Variants in SDC3 observed in about 807,000 individuals in gnomAD.
SDC3 encodes the protein syndecan 3.
In SDC3, 13 loss-of-function variants were observed where a neutral mutation model predicts 24.4. That is an observed-to-expected ratio of 0.53 (90% CI 0.35 to 0.85). SDC3 has a LOEUF of 0.85. Among genes scored for constraint, SDC3 ranks in the 40% least tolerant of loss-of-function variants. The pLI is 0.01. For missense variants in SDC3, 571 were observed against 584.5 expected (o/e 0.98, Z 0.24); for synonymous variants, 295 against 260.9 (o/e 1.13, Z -1.26).
At chr1:30,887,159 T>A (rs1334582099) in intron 1 of SDC3, among the ~76,000 whole-genome samples, 2 of 152,008 alleles carry the variant, frequency 1.3e-5, no homozygotes. Context: ...ACACGACAGG[T>A]GGCCCAGCTC....
rs1338931379 is a variant in SDC3 at position 30,872,919 on chromosome 1, G to A, written c.*292C>T. ...TTCTTCCACCACCAGCCAATCAGGA[G>A]CTTTCTTCCTCCCATCCATCTGACA... On this transcript the variant is annotated 3_prime_UTR_variant, in exon 5 of 5. Coordinates refer to ENST00000339394, the MANE Select transcript of SDC3 (RefSeq NM_014654.4). 2 of 405,318 alleles carry A rather than the reference G, an allele frequency of 4.9e-6. No individual in the cohort carries two copies. Among genetic ancestry groups the A allele is most frequent in the South Asian group, 4.7e-5 (1 of 21,086 alleles). The allele number at this position is 405,318 out of a possible 1,614,324, so 25.1% of individuals were successfully genotyped here.
chr1:30,884,397 C>T (rs1639798133), intron 1 of SDC3, among the ~76,000 whole-genome samples: 1 of 152,112 alleles, frequency 6.6e-6, no homozygotes, highest in Non-Finnish European at 1.5e-5. Context: ...ACAAAGGCAG[C>T]TCAGAGGGCA....
chr1:30,898,187 G>A (rs575208126), intron 1 of SDC3, among the ~76,000 whole-genome samples: 27 of 152,186 alleles, frequency 1.8e-4, no homozygotes, highest in African/African-American at 5.1e-4. Context: ...GTGACCCCTC[G>A]CCGCCAAGGG....
chr1:30,883,562 G>A (rs1043616736), intron 1 of SDC3, among the ~76,000 whole-genome samples: 7 of 152,158 alleles, frequency 4.6e-5, no homozygotes, highest in African/African-American at 1.7e-4. Flanking sequence ...ACTTCATAGG[G>A]CAGTTGTGAG....
chr1:30,892,470 C>G (rs1313445013), intron 1 of SDC3, among the ~76,000 whole-genome samples: 2 of 151,968 alleles, frequency 1.3e-5, no homozygotes, highest in Admixed American at 1.3e-4. Flanking sequence ...AATGAATGAT[C>G]CTAAAACAGT....
At chr1:30,900,281 T>A (rs1638386893) in intron 1 of SDC3, among the ~76,000 whole-genome samples, 1 of 152,168 alleles carries the variant, frequency 6.6e-6, no homozygotes, top group South Asian at 2.1e-4. Flanking sequence ...ACCTAGCACA[T>A]GACATGCAGC....
In SDC3 at chr1:30,908,624, G is replaced by C; in HGVS notation, c.-38C>G. 5.9e-6 allele frequency: 5 copies of C among 845,954 alleles called. No individual in the cohort carries two copies. Among genetic ancestry groups the C allele is most frequent in the African/African-American group, 5.8e-5 (3 of 51,432 alleles). 52.4% of individuals were successfully genotyped at this position (845,954 alleles called of 1,614,324 possible). ...GGCGCGGGCGGCGGGCGGCGGGCGG[G>C]CGCCTTTGTTCCCGAGGCGCGGCGC... On this transcript the variant is annotated 5_prime_UTR_variant, in exon 1 of 5. Coordinates refer to ENST00000339394, the MANE Select transcript of SDC3 (RefSeq NM_014654.4).
chr1:30,869,536 C>CAA lies in SDC3; in HGVS notation c.*3673_*3674dup, dbSNP rs11338317. 242 of 347,384 alleles carry CAA rather than the reference C, an allele frequency of 7.0e-4. No homozygotes were observed. The highest frequency in any genetic ancestry group is 8.7e-4 in the Non-Finnish European group (177 of 203,232). 21.5% of individuals were successfully genotyped at this position (347,384 alleles called of 1,614,324 possible). A position where few individuals can be genotyped will look rare whatever the true frequency, so the allele number is the denominator to read the frequency against. ...AGGAAGTGTTAAAAAAACAAACAAA[C>CAA]AAAAAAAAAAAAAAAAAAAAAAAAA... On this transcript the variant is annotated 3_prime_UTR_variant, in exon 5 of 5. Coordinates refer to ENST00000339394, the MANE Select transcript of SDC3 (RefSeq NM_014654.4).
chr1:30,875,881 C>T (rs1284125670), intron 3 of SDC3, among the ~76,000 whole-genome samples: 2 of 152,150 alleles, frequency 1.3e-5, no homozygotes, highest in South Asian at 2.1e-4. Context: ...CAGTGCTGCC[C>T]GTGGGGTGGG....
At chr1:30,876,498 TC>T in intron 3 of SDC3, 53 bp downstream of exon 3, 1 of 1,223,246 alleles carries the variant, frequency 8.2e-7, no homozygotes, top group Non-Finnish European at 1.1e-6. Context: ...TCCTCATCCC[TC>T]CCCTGACCCA....
intron 1 of SDC3, among the ~76,000 whole-genome samples, chr1:30,887,454 G>A (rs187885819): frequency 3.3e-5 from 5 of 152,198 alleles, no homozygotes; most frequent in Admixed American, 3.3e-4. Flanking sequence ...CAGCTGTCAC[G>A]TGCCTAGTGG....
chr1:30,887,272 G>C (rs1490968974), intron 1 of SDC3, among the ~76,000 whole-genome samples: 1 of 151,922 alleles, frequency 6.6e-6, no homozygotes, highest in African/African-American at 2.4e-5. Context: ...GGCAAGGGTT[G>C]CCCGCTCCTG....
rs535927389 is a variant in SDC3 at position 30,872,212 on chromosome 1, G to A, written c.*999C>T. ...TTCTGGCTCGATTCCACCCTCCCCA[G>A]TAAGCCTGAAAGCTGGAGACAATGT... On this transcript the variant is annotated 3_prime_UTR_variant, in exon 5 of 5. Coordinates refer to ENST00000339394, the MANE Select transcript of SDC3 (RefSeq NM_014654.4). 6.6e-6 allele frequency: 1 copy of A among 152,426 alleles called. No individual in the cohort carries two copies. The highest frequency in any genetic ancestry group is 2.4e-5 in the African/African-American group (1 of 41,570). The allele number at this position is 152,426 out of a possible 1,614,324, so 9.4% of individuals were successfully genotyped here. A position where few individuals can be genotyped will look rare whatever the true frequency, so the allele number is the denominator to read the frequency against.
chr1:30,878,886 G>C, intron 1 of SDC3, 146 bp from the exon 2 acceptor site: 1 of 660,240 alleles, frequency 1.5e-6, no homozygotes, highest in Non-Finnish European at 2.7e-6. Flanking sequence ...GAAAGTGCGT[G>C]TGTGAATAAT....
At chr1:30,889,439 G>A (rs768213114) in intron 1 of SDC3, among the ~76,000 whole-genome samples, 14 of 151,988 alleles carry the variant, frequency 9.2e-5, no homozygotes, top group East Asian at 1.9e-4. Flanking sequence ...CTCCATTCCC[G>A]GGGGCCCCAT....
intron 1 of SDC3, among the ~76,000 whole-genome samples, chr1:30,896,779 T>A (rs1282157029): frequency 6.6e-6 from 1 of 152,056 alleles, no homozygotes; most frequent in African/African-American, 2.4e-5. Context: ...CTGGCCAACA[T>A]AGTAAAACCC....
chr1:30,884,321 C>G (rs1380532800), intron 1 of SDC3, among the ~76,000 whole-genome samples: 1 of 151,934 alleles, frequency 6.6e-6, no homozygotes, highest in Non-Finnish European at 1.5e-5. Context: ...CACCCTCCCA[C>G]TCGCCCCAAC....
Position 30,908,620 on chromosome 1 carries a change from G to T in SDC3, c.-34C>A. ...CGCGGGCGCGGGCGGCGGGCGGCGG[G>T]CGGGCGCCTTTGTTCCCGAGGCGCG... is the stretch of plus-strand genomic sequence containing the variant. On this transcript the variant is annotated 5_prime_UTR_variant, in exon 1 of 5. Transcript: ENST00000339394. 5 of 902,296 alleles carry T rather than the reference G, an allele frequency of 5.5e-6. No homozygotes were observed. In the South Asian group the frequency reaches 2.0e-4, roughly 36 times the overall value. The allele number at this position is 902,296 out of a possible 1,614,324, so 55.9% of individuals were successfully genotyped here.
intron 1 of SDC3, among the ~76,000 whole-genome samples, chr1:30,893,832 CT>C (rs916697187): frequency 1.3e-5 from 2 of 152,164 alleles, no homozygotes; most frequent in African/African-American, 4.8e-5. Context: ...CTGCTACCCC[CT>C]AGCCTGCCGG....
Sources: allele counts gnomAD v4.1 joint callset (sites outside exome capture counted in the v4.1 genomes callset), GRCh38; gene constraint gnomAD v4.1.1; transcripts MANE v1.5; gene names NCBI Gene and HGNC (gene_info 2026-07-23, HGNC 2026-07-21).